AP1AR: variants seen among roughly 807,000 people sequenced by gnomAD.
The protein encoded by AP1AR is adaptor related protein complex 1 associated regulatory protein.
In AP1AR, 29 loss-of-function variants were observed where a neutral mutation model predicts 46.3. The observed-to-expected ratio is 0.63, with a 90% CI of 0.47 to 0.85. The LOEUF is 0.85. AP1AR is among the 40% of genes least tolerant of loss of function. The probability of loss-of-function intolerance (pLI) is 0.00; values close to 1 mark genes in which losing one functional copy is unlikely to be tolerated. For synonymous variants in AP1AR, 122 were observed against 122.9 expected (o/e 0.99, Z 0.05); for missense variants, 357 against 356.3 (o/e 1.00, Z -0.02).
chr4:112,247,545 C>G (rs1302656078), intron 1 of AP1AR, among the ~76,000 whole-genome samples: 2 of 152,158 alleles, frequency 1.3e-5, no homozygotes, highest in African/African-American at 4.8e-5. Context: ...TTGTTCAGGC[C>G]TCAGAGTTAG....
chr4:112,232,440 A>G (rs1725055148), intron 1 of AP1AR, among the ~76,000 whole-genome samples: 1 of 152,166 alleles, frequency 6.6e-6, no homozygotes, highest in Non-Finnish European at 1.5e-5. Flanking sequence ...GTCACGGGAG[A>G]CATCATCTCC....
chr4:112,254,700 A>G (rs756528977), intron 2 of AP1AR, 47 bp from the exon 3 acceptor site: 1 of 1,275,548 alleles, frequency 7.8e-7, no homozygotes, highest in Non-Finnish European at 1.1e-6. Context: ...TGAGATGTAT[A>G]CCTAAGACAA....
chr4:112,260,284 T>C (rs1182406079), intron 4 of AP1AR, among the ~76,000 whole-genome samples: 1 of 152,084 alleles, frequency 6.6e-6, no homozygotes, highest in Non-Finnish European at 1.5e-5. Context: ...CTGGGACAGA[T>C]AGACTGAGAA....
Position 112,268,461 on chromosome 4 carries a change from A to G in AP1AR, c.*52A>G, listed in dbSNP as rs770909409. 4 of 1,507,282 alleles carry G rather than the reference A, an allele frequency of 2.7e-6. No homozygotes were observed. The highest frequency in any genetic ancestry group is 2.8e-5 in the African/African-American group (2 of 71,568). 93.4% of individuals were successfully genotyped at this position (1,507,282 alleles called of 1,614,324 possible). A position where few individuals can be genotyped will look rare whatever the true frequency, so the allele number is the denominator to read the frequency against. On this transcript the variant is annotated 3_prime_UTR_variant, in exon 10 of 10. Transcript: ENST00000274000. ...AGTTATGACCAAATGTTAAAAACCA[A>G]CTAGAATGTATAAGTGATTGTGCTT...
At chr4:112,253,322 T>A in intron 2 of AP1AR, 66 bp downstream of exon 2, 1 of 1,239,880 alleles carries the variant, frequency 8.1e-7, no homozygotes, top group Non-Finnish European at 1.2e-6. Flanking sequence ...CTTTTTGTTG[T>A]AAAGAGGGAA....
At position 112,269,876 on chromosome 4, in the gene AP1AR, C is replaced by T. The variant is rs1225601285; in HGVS notation, c.*1467C>T. ...ATATTTTTAAGGTAATCTATATTCACATTGCCTGTGTTAATGCTTTTTAAA... is the reference window on the plus strand; with the variant it reads ...ATATTTTTAAGGTAATCTATATTCATATTGCCTGTGTTAATGCTTTTTAAA... On this transcript the variant is annotated 3_prime_UTR_variant, in exon 10 of 10. Transcript: ENST00000274000. The T allele has an allele frequency of 6.6e-6, 1 of 152,470 alleles. No individual in the cohort carries two copies. The highest frequency in any genetic ancestry group is 1.5e-5 in the Non-Finnish European group (1 of 67,958). The allele number at this position is 152,470 out of a possible 1,614,324, so 9.4% of individuals were successfully genotyped here.
At chr4:112,260,733 T>G in intron 4 of AP1AR, 33 bp from the exon 5 acceptor site, 1 of 1,456,130 alleles carries the variant, frequency 6.9e-7, no homozygotes. Context: ...AGTTTTTGTT[T>G]TTTCTTTTTC....
chr4:112,264,921 A>C, intron 6 of AP1AR, 88 bp from the exon 7 acceptor site: 1 of 1,024,778 alleles, frequency 9.8e-7, no homozygotes. Context: ...GAAACTAGAA[A>C]AAAATACTTT....
chr4:112,241,220 G>A (rs769022654), intron 1 of AP1AR, among the ~76,000 whole-genome samples: 5 of 152,140 alleles, frequency 3.3e-5, no homozygotes, highest in Admixed American at 1.3e-4. Flanking sequence ...TTATTAAACA[G>A]TAAATATGAT....
intron 1 of AP1AR, among the ~76,000 whole-genome samples, chr4:112,237,541 T>G (rs1578400977): frequency 6.6e-6 from 1 of 152,094 alleles, no homozygotes; most frequent in Admixed American, 6.5e-5. Context: ...TATTAAAACC[T>G]CCACCTCCCA....
At chr4:112,263,183 ACTT>A (rs1236569392) in intron 6 of AP1AR, 97 bp downstream of exon 6, 22 of 914,152 alleles carry the variant, frequency 2.4e-5, no homozygotes, top group African/African-American at 3.4e-5. Context: ...ATTCTCAAGG[ACTT>A]CTTGTTTAAC....
chr4:112,244,213 T>C (rs1185146586), intron 1 of AP1AR, among the ~76,000 whole-genome samples: 1 of 152,224 alleles, frequency 6.6e-6, no homozygotes, highest in Non-Finnish European at 1.5e-5. Flanking sequence ...AGATGTCCTC[T>C]GCCTATTTAC....
chr4:112,265,124 T>G, intron 7 of AP1AR, 57 bp downstream of exon 7: 3 of 1,349,494 alleles, frequency 2.2e-6, no homozygotes, highest in Non-Finnish European at 3.1e-6. Flanking sequence ...TATTGCGGTG[T>G]AGAGCATCAT....
intron 1 of AP1AR, among the ~76,000 whole-genome samples, chr4:112,241,639 G>A (rs768178010): frequency 1.3e-5 from 2 of 152,212 alleles, no homozygotes; most frequent in Non-Finnish European, 2.9e-5. Context: ...CACCCTTGCA[G>A]ATGCACCAGA....
intron 7 of AP1AR, 111 bp from the exon 8 acceptor site, chr4:112,265,623 A>G: frequency 1.4e-6 from 1 of 693,798 alleles, no homozygotes; most frequent in Non-Finnish European, 2.4e-6. Flanking sequence ...TACAGCAGTT[A>G]TGAATTTGTA....
chr4:112,268,244 T>C lies in AP1AR; in HGVS notation c.744T>C (p.Pro248=), dbSNP rs192141193. 2.7e-4 allele frequency: 431 copies of C among 1,613,150 alleles called. 5 individuals are homozygous for C. In the East Asian group the frequency reaches 9.3e-3, roughly 35 times the overall value. ...KYSNKKTGSN[P]TSASDDSNGL... ...GCAACAAGAAGACTGGAAGTAATCC[T>C]ACATCAGCCTCTGATGATTCCAATG... The change falls in exon 10 of 10, where the codon CCT becomes CCC. Residue 248 remains proline, a synonymous_variant. Transcript: ENST00000274000.
At chr4:112,265,588 T>A in intron 7 of AP1AR, 146 bp from the exon 8 acceptor site, 2 of 561,608 alleles carry the variant, frequency 3.6e-6, no homozygotes, top group Non-Finnish European at 6.1e-6. Flanking sequence ...AATTAAGAAC[T>A]ATTTTCATTA....
In AP1AR at chr4:112,265,859, A is replaced by G. The variant is rs759315206; in HGVS notation, c.514+52A>G. On this transcript the variant is annotated intron_variant, in intron 8 of 9. Transcript: ENST00000274000. ...CTTTTTATGCCACAGTAAACAGATA[A>G]GTAGAGATTCTGGCTCTGTTTCTGT... The G allele has an allele frequency of 4.3e-6, 5 of 1,176,110 alleles. No homozygotes were observed. The Admixed American group carries it at 1.1e-4, about 25-fold the overall frequency. 72.9% of individuals were successfully genotyped at this position (1,176,110 alleles called of 1,614,324 possible). A position where few individuals can be genotyped will look rare whatever the true frequency, so the allele number is the denominator to read the frequency against.
chr4:112,266,613 G>T lies in AP1AR; in HGVS notation c.540G>T (p.Leu180Phe). The part of the protein sequence containing the change: ...SSRLSSDATV[L>F]TPNTESSCDL... Reference sequence around the variant, plus strand: ...GACTCTCATCAGATGCTACAGTTTTGACACCAAATACAGAAAGCAGTTGTG... The same window carrying T: ...GACTCTCATCAGATGCTACAGTTTTTACACCAAATACAGAAAGCAGTTGTG... Residue 180 changes from leucine (L) to phenylalanine (F), a missense_variant, in exon 9 of 10, where the codon TTG (leucine) becomes TTT (phenylalanine). By Grantham distance (22) the Leu-to-Phe change is conservative (BLOSUM62 0). This residue lies in a region of AP1AR where 269 missense variants were observed against 223.6 expected (regional missense o/e 1.20). Transcript: ENST00000274000. 1 of 1,610,408 alleles carries T rather than the reference G, an allele frequency of 6.2e-7. No homozygotes were observed. The highest frequency in any genetic ancestry group is 8.5e-7 in the Non-Finnish European group (1 of 1,177,632).
Sources: gnomAD v4.1 joint callset for allele counts (sites outside exome capture counted in the v4.1 genomes callset) on GRCh38, gnomAD v4.1.1 for gene constraint, gnomAD v4.1.1 regional missense constraint, MANE v1.5 for transcripts, NCBI Gene and HGNC (gene_info 2026-07-23, HGNC 2026-07-21) for gene names.